The following CNTLN variants were observed in gnomAD, a reference collection of about 807,000 sequenced individuals.
CNTLN encodes the protein centlein.
A neutral mutation model predicts 180.0 loss-of-function variants in CNTLN; 212 were observed. The ratio of observed to expected loss-of-function variants is 1.18; its 90% CI spans 1.05 to 1.32. The LOEUF (loss-of-function observed/expected upper bound fraction) is 1.32, where lower values mean the gene tolerates loss of function less well. Ranked by LOEUF, CNTLN falls within the 40% of genes most tolerant of loss-of-function variation. CNTLN has a pLI of 0.00. For synonymous variants in CNTLN, 722 were observed against 563.1 expected (o/e 1.28, Z -3.99); for missense variants, 2,095 against 1,610.9 (o/e 1.30, Z -5.14).
chr9:17,520,789 ATG>A, the CNTLN span, among the ~76,000 whole-genome samples: 2 of 152,194 alleles, frequency 1.3e-5, no homozygotes, highest in Non-Finnish European at 2.9e-5. Context: ...CACATTTGAG[ATG>A]TGTGTTTGCA....
At chr9:17,301,345 T>C (rs1587577979) in intron 7 of CNTLN, 3 of 985,394 alleles carry the variant, frequency 3.0e-6, no homozygotes, top group Non-Finnish European at 3.6e-6. Context: ...AGAATCATTA[T>C]AGAAAATGAG....
rs183411143 is a variant in CNTLN, at chr9:17,296,192, G to A, written c.984-1998G>A. On this transcript the variant is annotated intron_variant, in intron 6 of 25. Coordinates refer to ENST00000380647, the MANE Select transcript of CNTLN (RefSeq NM_017738.4). ...CAATTTTTGTAATTTTTGTAGAGACGGGGTTTCACTATTGGTCAGGCTGGT... is the reference window on the plus strand; with the variant it reads ...CAATTTTTGTAATTTTTGTAGAGACAGGGTTTCACTATTGGTCAGGCTGGT... Among the ~76,000 whole-genome samples, 297 of 151,998 alleles carry A rather than the reference G, an allele frequency of 2.0e-3. 2 individuals are homozygous for A. Among genetic ancestry groups the A allele is most frequent in the Non-Finnish European group, 9.3e-4 (63 of 67,980 alleles).
At chr9:17,271,299 C>G (rs543968687) in intron 5 of CNTLN, among the ~76,000 whole-genome samples, 4 of 151,984 alleles carry the variant, frequency 2.6e-5, no homozygotes, top group African/African-American at 7.2e-5. Flanking sequence ...AAATCATGCA[C>G]CAGATTTGCG....
chr9:17,318,033 T>TTTTCTTTTC (rs1819647347), intron 8 of CNTLN, among the ~76,000 whole-genome samples: 1 of 148,064 alleles, frequency 6.8e-6, no homozygotes, highest in African/African-American at 2.5e-5. Context: ...CTTTTCTTTT[T>TTTTCTTTTC]TTTTTTTTTT....
At chr9:17,501,971 A>C (rs926476230) in intron 25 of CNTLN, among the ~76,000 whole-genome samples, 1 of 152,230 alleles carries the variant, frequency 6.6e-6, no homozygotes, top group Admixed American at 6.5e-5. Context: ...AAATTTAAAA[A>C]TGTAGTCTAC....
chr9:17,408,402 A>G (rs1827575713), intron 15 of CNTLN, among the ~76,000 whole-genome samples: 1 of 151,952 alleles, frequency 6.6e-6, no homozygotes, highest in Non-Finnish European at 1.5e-5. Context: ...TTTACTAAGT[A>G]TTCTTGTTTC....
At chr9:17,433,317 T>C (rs111824644) in intron 18 of CNTLN, among the ~76,000 whole-genome samples, 5,216 of 151,672 alleles carry the variant, frequency 0.034, 292 homozygotes, top group African/African-American at 0.12. Context: ...TGGAGTCTCG[T>C]TCTGTCGCCC....
At chr9:17,280,612 A>G (rs1015974795) in intron 6 of CNTLN, among the ~76,000 whole-genome samples, 6 of 152,172 alleles carry the variant, frequency 3.9e-5, no homozygotes, top group Admixed American at 2.0e-4. Context: ...GAGGTAATGC[A>G]TTGTTGTTCT....
chr9:17,255,303 T>C (rs1826405322), intron 5 of CNTLN, among the ~76,000 whole-genome samples: 1 of 151,810 alleles, frequency 6.6e-6, no homozygotes, highest in Non-Finnish European at 1.5e-5. Flanking sequence ...CACTATTGAG[T>C]ATGATGTTAG....
chr9:17,409,567 T>C, intron 16 of CNTLN, 94 bp downstream of exon 16: 1 of 887,474 alleles, frequency 1.1e-6, no homozygotes, highest in South Asian at 2.3e-5. Context: ...ACTGATTTAA[T>C]TTGAATTCTT....
chr9:17,430,933 T>A (rs1033625615), intron 18 of CNTLN, among the ~76,000 whole-genome samples: 8 of 152,180 alleles, frequency 5.3e-5, no homozygotes, highest in Non-Finnish European at 1.0e-4. Context: ...TATATCACAT[T>A]TTCTTTATCC....
chr9:17,304,795 A>G (rs923169111), intron 7 of CNTLN, among the ~76,000 whole-genome samples: 16 of 152,290 alleles, frequency 1.1e-4, no homozygotes, highest in African/African-American at 3.8e-4. Context: ...CACTGGGTAG[A>G]TTCCATCTCA....
chr9:17,155,982 G>C (rs1020444957), intron 2 of CNTLN, among the ~76,000 whole-genome samples: 3 of 152,134 alleles, frequency 2.0e-5, no homozygotes, highest in East Asian at 1.9e-4. Flanking sequence ...TTAGGTAGGG[G>C]AGAAAATTCC....
intron 8 of CNTLN, among the ~76,000 whole-genome samples, chr9:17,327,213 C>CAT (rs1563997152): frequency 8.5e-6 from 1 of 117,772 alleles, no homozygotes. Flanking sequence ...AGTAGTTAAC[C>CAT]TTTTTTTTTT....
intron 21 of CNTLN, 54 bp downstream of exon 21, chr9:17,464,677 C>A: frequency 9.1e-7 from 1 of 1,097,860 alleles, no homozygotes; most frequent in Non-Finnish European, 1.3e-6. Flanking sequence ...GTTGTAATTA[C>A]TCTCTTACCA....
chr9:17,403,486 CCAGT>C (rs1406489344), intron 15 of CNTLN, among the ~76,000 whole-genome samples: 1 of 151,466 alleles, frequency 6.6e-6, no homozygotes, highest in African/African-American at 2.4e-5. Context: ...AGGAAACCAA[CCAGT>C]CTCTTAGTGT....
intron 12 of CNTLN, among the ~76,000 whole-genome samples, chr9:17,344,150 GTTTAT>G (rs10531584): frequency 0.53 from 79,742 of 151,372 alleles, 22,071 homozygotes; most frequent in East Asian, 0.73. Flanking sequence ...TTGATTTGGA[GTTTAT>G]TTTATTTGTT....
chr9:17,486,266 T>G (rs1832883176), intron 24 of CNTLN, among the ~76,000 whole-genome samples: 2 of 151,868 alleles, frequency 1.3e-5, no homozygotes, highest in Non-Finnish European at 2.9e-5. Flanking sequence ...CTATCTGAAG[T>G]GCCTAGCATG....
intron 6 of CNTLN, among the ~76,000 whole-genome samples, chr9:17,284,193 G>A (rs999951128): frequency 1.3e-5 from 2 of 151,996 alleles, no homozygotes; most frequent in African/African-American, 4.8e-5. Flanking sequence ...GCTAATTTTT[G>A]AGGATTTTGC....
Sources: gnomAD v4.1 joint callset for allele counts (sites outside exome capture counted in the v4.1 genomes callset) on GRCh38, gnomAD v4.1.1 for gene constraint, MANE v1.5 for transcripts, NCBI Gene and HGNC (gene_info 2026-07-23, HGNC 2026-07-21) for gene names.